CUL4B: variants seen among roughly 807,000 people sequenced by gnomAD.
CUL4B encodes the protein cullin 4B, also known as cullin-4B.
CUL4B carries 1 observed loss-of-function variant against 69.2 expected under a neutral mutation model. The ratio of observed to expected loss-of-function variants is 0.01; its 90% CI spans 0.01 to 0.07. The LOEUF is 0.07. CUL4B is among the 10% of genes least tolerant of loss of function. The pLI is 1.00. For synonymous variants in CUL4B, 237 were observed against 223.2 expected (o/e 1.06, Z -0.55); for missense variants, 328 against 638.8 (o/e 0.51, Z 5.24).
intron 19 of CUL4B, among the ~76,000 whole-genome samples, chrX:120,528,810 G>A (rs1280212280): frequency 1.8e-5 from 2 of 111,863 alleles, no homozygotes; most frequent in Admixed American, 1.9e-4. Flanking sequence ...AAGTGACTTG[G>A]ATTTCTGCAT....
At chrX:120,549,350 G>A (rs894293515) in intron 2 of CUL4B, among the ~76,000 whole-genome samples, 1 of 111,879 alleles carries the variant, frequency 8.9e-6, no homozygotes, top group East Asian at 2.8e-4. Flanking sequence ...TCTGGAGTTC[G>A]AGACCACTCT....
Position 120,560,961 on chromosome X carries a change from CT to C in CUL4B, c.-324del, listed in dbSNP as rs1265353536. 3 of 750,649 alleles carry C rather than the reference CT, an allele frequency of 4.0e-6. No homozygotes were observed. Among genetic ancestry groups the C allele is most frequent in the Non-Finnish European group, 4.7e-6 (3 of 638,239 alleles). The allele number at this position is 750,649 out of a possible 1,213,427, so 61.9% of individuals were successfully genotyped here. A position where few individuals can be genotyped will look rare whatever the true frequency, so the allele number is the denominator to read the frequency against. ...TTTCTGCAGGAGCGACTCAGCGAGT[CT>C]GTGAGGCTGCAGCTCCTCCTCCTTT... On this transcript the variant is annotated 5_prime_UTR_variant, in exon 1 of 20. Coordinates refer to ENST00000371322, the MANE Select transcript of CUL4B (RefSeq NM_001079872.2).
intron 19 of CUL4B, among the ~76,000 whole-genome samples, chrX:120,528,331 C>T (rs1199772587): frequency 2.8e-5 from 3 of 108,647 alleles, no homozygotes; most frequent in African/African-American, 3.4e-5. Flanking sequence ...TGCTTGAACC[C>T]GGGAGGTGGA....
At chrX:120,535,431 G>A (rs112294904) in intron 16 of CUL4B, among the ~76,000 whole-genome samples, 5,760 of 110,437 alleles carry the variant, frequency 0.052, 361 homozygotes, top group African/African-American at 0.17. Flanking sequence ...CTGGCCAGAT[G>A]CGGTGGTTCA....
chrX:120,534,074 A>G (rs1923499142), intron 17 of CUL4B, among the ~76,000 whole-genome samples: 1 of 109,734 alleles, frequency 9.1e-6, no homozygotes, highest in East Asian at 2.9e-4. Context: ...TTGAGGGGAA[A>G]AAAAAAGAGT....
At chrX:120,544,293 G>T in intron 6 of CUL4B, 90 bp from the exon 7 acceptor site, 2 of 833,484 alleles carry the variant, frequency 2.4e-6, no homozygotes, top group South Asian at 2.2e-5. Context: ...TTATGAATTT[G>T]GTTTTTAAAC....
rs768338680 is a variant in CUL4B, at chrX:120,560,280, G to A, written c.359C>T (p.Ser120Phe). 2 of 1,211,328 alleles carry A rather than the reference G, an allele frequency of 1.7e-6. No homozygotes were observed. The change falls in exon 1 of 20, where the codon TCC (serine) becomes TTC (phenylalanine). Residue 120 changes from serine to phenylalanine, a missense_variant. By Grantham distance (155) the Ser-to-Phe change is radical. Transcript: ENST00000371322. ...TGAAGATGAGGAGGAGGAGGAGGAG[G>A]ATTCCTCAGCCATCTTCGCATCAAA... ...VGFDAKMAEESSSSSSSSSPT... is the reference protein window; with the variant it reads ...VGFDAKMAEEFSSSSSSSSPT...
chrX:120,567,357 C>T (rs1220984400), downstream of CUL4B, among the ~76,000 whole-genome samples: 1 of 109,592 alleles, frequency 9.1e-6, no homozygotes, highest in Non-Finnish European at 1.9e-5. Flanking sequence ...GAACTCCTGA[C>T]CTCAGGTGAT....
chrX:120,546,708 T>G (rs189298127), intron 3 of CUL4B, 92 bp from the exon 4 acceptor site: 685 of 604,869 alleles, frequency 1.1e-3, no homozygotes, highest in Non-Finnish European at 1.7e-3. Flanking sequence ...CATGAATACC[T>G]TGCACACTAA....
chrX:120,547,111 C>T (rs1490116234), intron 3 of CUL4B, 25 bp downstream of exon 3: 4 of 1,075,561 alleles, frequency 3.7e-6, no homozygotes, highest in South Asian at 1.9e-5. Flanking sequence ...AAACTATTCA[C>T]GATTTTTTGT....
chrX:120,546,733 C>A, intron 3 of CUL4B, 117 bp from the exon 4 acceptor site: 1 of 499,214 alleles, frequency 2.0e-6, no homozygotes, highest in Non-Finnish European at 3.4e-6. Context: ...AACTAAATGG[C>A]ACTTGATTAT....
chrX:120,559,855 A>T, intron 1 of CUL4B: 2 of 1,139,906 alleles, frequency 1.8e-6, no homozygotes, highest in Non-Finnish European at 2.3e-6. Flanking sequence ...GTTGAAAAAG[A>T]CCTCAAAATA....
intron 2 of CUL4B, among the ~76,000 whole-genome samples, chrX:120,550,773 T>C (rs1924641308): frequency 8.9e-6 from 1 of 111,825 alleles, no homozygotes; most frequent in Non-Finnish European, 1.9e-5. Flanking sequence ...GTCATTTTCC[T>C]TCCTCAACAA....
chrX:120,541,745 T>TA, intron 9 of CUL4B, 25 bp from the exon 10 acceptor site: 1 of 942,945 alleles, frequency 1.1e-6, no homozygotes, highest in Non-Finnish European at 1.5e-6. Flanking sequence ...ATTTTGGCAT[T>TA]AAAATATAGT....
At chrX:120,557,594 T>C (rs981879771) in intron 2 of CUL4B, among the ~76,000 whole-genome samples, 2 of 111,950 alleles carry the variant, frequency 1.8e-5, no homozygotes, top group African/African-American at 6.5e-5. Flanking sequence ...GAAACAATTA[T>C]CACAATAGAA....
At chrX:120,572,902 C>G (rs781374527) in intron 2 of CUL4B, among the ~76,000 whole-genome samples, 22 of 110,730 alleles carry the variant, frequency 2.0e-4, no homozygotes, top group Admixed American at 8.7e-4. Flanking sequence ...TTTCTTTTTT[C>G]AACTATTAGT....
upstream of CUL4B, chrX:120,561,394 T>C (rs1386646658): frequency 3.6e-6 from 2 of 558,703 alleles, no homozygotes; most frequent in African/African-American, 2.3e-5. Context: ...GGCAGACACT[T>C]TTCATAGCGC....
Position 120,530,270 on chromosome X carries a change from T to C in CUL4B, c.2440-16A>G. ...GTTCTTCAACCTAACAAAAAAGTTT[T>C]AAACCTAGGAATTATACCAGAAGCA... On this transcript the variant is annotated splice_polypyrimidine_tract_variant and intron_variant, in intron 18 of 19. Coordinates refer to ENST00000371322, the MANE Select transcript of CUL4B (RefSeq NM_001079872.2). 1 of 1,203,883 alleles carries C rather than the reference T, an allele frequency of 8.3e-7. No individual in the cohort carries two copies. Among genetic ancestry groups the C allele is most frequent in the Non-Finnish European group, 1.1e-6 (1 of 889,438 alleles).
chrX:120,560,659 G>C lies in CUL4B; in HGVS notation c.-21C>G. ...AACATGAAAATAGCGGGGTCAACAG[G>C]CAGAGGAGCATCAAAAACCTACGTT... On this transcript the variant is annotated 5_prime_UTR_variant, in exon 1 of 20. Transcript: ENST00000371322. 8.4e-7 allele frequency: 1 copy of C among 1,197,565 alleles called. No individual in the cohort carries two copies. The highest frequency in any genetic ancestry group is 1.7e-5 in the African/African-American group (1 of 57,453).
Sources: gnomAD v4.1 joint callset for allele counts (sites outside exome capture counted in the v4.1 genomes callset) on GRCh38, gnomAD v4.1.1 for gene constraint, MANE v1.5 for transcripts, NCBI Gene and HGNC (gene_info 2026-07-23, HGNC 2026-07-21) for gene names.